The following BCL11B variants were observed in gnomAD, a reference collection of about 807,000 sequenced individuals.
BCL11B encodes B-cell lymphoma/leukemia 11B.
A neutral mutation model predicts 49.9 loss-of-function variants in BCL11B; 8 were observed. The observed-to-expected ratio is 0.16, with a 90% CI of 0.09 to 0.29. The LOEUF (loss-of-function observed/expected upper bound fraction) is 0.29, where lower values mean the gene tolerates loss of function less well. Among genes scored for constraint, BCL11B ranks in the 10% least tolerant of loss-of-function variants. The pLI is 1.00. For missense variants in BCL11B, 1,006 were observed against 1,351.0 expected (o/e 0.74, Z 4.00); for synonymous variants, 739 against 637.4 (o/e 1.16, Z -2.40).
chr14:99,200,727 C>T (rs1939066764), intron 3 of BCL11B, among the ~76,000 whole-genome samples: 1 of 152,224 alleles, frequency 6.6e-6, no homozygotes, highest in African/African-American at 2.4e-5. Context: ...CTGGCACAGC[C>T]ACTACTGGAG....
intron 3 of BCL11B, among the ~76,000 whole-genome samples, chr14:99,226,307 C>T (rs929637829): frequency 6.6e-6 from 1 of 152,184 alleles, no homozygotes; most frequent in African/African-American, 2.4e-5. Flanking sequence ...GTTTTCCAAC[C>T]TTCCCACGAC....
At chr14:99,238,809 T>C (rs1293621120) in intron 2 of BCL11B, among the ~76,000 whole-genome samples, 1 of 152,112 alleles carries the variant, frequency 6.6e-6, no homozygotes, top group Non-Finnish European at 1.5e-5. Flanking sequence ...AGGACACAGA[T>C]ACAAAAATGA....
Position 99,257,649 on chromosome 14 carries a change from G to A in BCL11B, c.249C>T (p.Gly83=), listed in dbSNP as rs79121525. Residue 83 remains glycine, a synonymous_variant, in exon 2 of 4, where the codon GGC becomes GGT. Coordinates refer to ENST00000357195, the MANE Select transcript of BCL11B (RefSeq NM_138576.4). This position sits in a 1 kb window ranked among gnomAD's most constrained non-coding sequence, Gnocchi z 6.2. ...FIEHKRKQCG[G]SLGACYDKAL... is the part of the protein sequence containing the mutation. ...CCTTGTCATAGCAGGCACCCAAGCT[G>A]CCGCCACACTGCTTCCTTTTGTGCT... is the stretch of plus-strand genomic sequence containing the variant. 3 of 1,613,208 alleles carry A rather than the reference G, an allele frequency of 1.9e-6. No homozygotes were observed. Among genetic ancestry groups the A allele is most frequent in the African/African-American group, 1.3e-5 (1 of 75,020 alleles).
intron 3 of BCL11B, among the ~76,000 whole-genome samples, chr14:99,189,393 GGAAGA>G (rs1886955842): frequency 6.6e-6 from 1 of 152,252 alleles, no homozygotes; most frequent in Non-Finnish European, 1.5e-5. Flanking sequence ...GGGCGGTTAT[GGAAGA>G]GAAAAGCTGC....
Position 99,222,338 on chromosome 14 carries a change from C to T in BCL11B, c.640+9007G>A, listed in dbSNP as rs1475525474. Among the ~76,000 whole-genome samples, 5 of 152,290 alleles carry T rather than the reference C, an allele frequency of 3.3e-5. No homozygotes were observed. In the East Asian group the frequency reaches 7.7e-4, roughly 24 times the overall value. Reference sequence around the variant, plus strand: ...ACAAGAATGTGGCTAGCAGCGTTTTCTGTGTTTCCTCTTTCTCTCACAGGT... The same window carrying T: ...ACAAGAATGTGGCTAGCAGCGTTTTTTGTGTTTCCTCTTTCTCTCACAGGT... On this transcript the variant is annotated intron_variant, in intron 3 of 3. Transcript: ENST00000357195.
At chr14:99,259,003 GC>G (rs72518932) in intron 1 of BCL11B, among the ~76,000 whole-genome samples, 4 of 110,884 alleles carry the variant, frequency 3.6e-5, no homozygotes, top group African/African-American at 1.2e-4. Flanking sequence ...AGACTCGGCA[GC>G]CAAAAGTGTC....
At chr14:99,219,690 C>T (rs1887953493) in intron 3 of BCL11B, among the ~76,000 whole-genome samples, 1 of 152,080 alleles carries the variant, frequency 6.6e-6, no homozygotes, top group South Asian at 2.1e-4. Flanking sequence ...CTCAAATCAA[C>T]ACCCTGAAGA....
intron 3 of BCL11B, among the ~76,000 whole-genome samples, chr14:99,209,874 G>A (rs529065382): frequency 6.6e-6 from 1 of 152,208 alleles, no homozygotes; most frequent in African/African-American, 2.4e-5. Flanking sequence ...GCCCTCAACA[G>A]GGCAGCCACT....
chr14:99,181,141 C>A (rs1019610786), intron 3 of BCL11B, among the ~76,000 whole-genome samples: 4 of 152,186 alleles, frequency 2.6e-5, no homozygotes, highest in African/African-American at 4.8e-5. Flanking sequence ...GGCATTCCTG[C>A]CTGGGTGAGA....
At chr14:99,230,619 G>A (rs544344234) in intron 3 of BCL11B, among the ~76,000 whole-genome samples, 5 of 152,338 alleles carry the variant, frequency 3.3e-5, no homozygotes, top group South Asian at 4.1e-4. Context: ...GAGAAGCAGG[G>A]CAGGTAGAGG....
At chr14:99,214,338 A>C (rs1887769386) in intron 3 of BCL11B, among the ~76,000 whole-genome samples, 2 of 152,198 alleles carry the variant, frequency 1.3e-5, no homozygotes, top group Admixed American at 6.5e-5. Flanking sequence ...GGATCATTTG[A>C]GGCCAGGAGT....
At chr14:99,216,581 AC>A (rs750135948) in intron 3 of BCL11B, among the ~76,000 whole-genome samples, 3 of 152,166 alleles carry the variant, frequency 2.0e-5, no homozygotes, top group Non-Finnish European at 4.4e-5. Context: ...CCCAGGAGGT[AC>A]TAAGAAGGTG....
chr14:99,245,697 G>T (rs1278524047), intron 2 of BCL11B, among the ~76,000 whole-genome samples: 1 of 152,186 alleles, frequency 6.6e-6, no homozygotes, highest in Non-Finnish European at 1.5e-5. Context: ...CGGTTTCGGG[G>T]AGGGGACCAC....
intron 3 of BCL11B, among the ~76,000 whole-genome samples, chr14:99,177,083 G>A (rs570556518): frequency 4.5e-4 from 68 of 152,098 alleles, no homozygotes; most frequent in African/African-American, 7.2e-5. Flanking sequence ...TGTGAAGACC[G>A]GCTACTACTG....
chr14:99,229,553 T>G (rs1344456522), intron 3 of BCL11B, among the ~76,000 whole-genome samples: 1 of 152,138 alleles, frequency 6.6e-6, no homozygotes, highest in Non-Finnish European at 1.5e-5. Context: ...ATGGGGATGG[T>G]AACAGCTCCT....
chr14:99,236,175 G>A (rs1888491922), intron 2 of BCL11B, among the ~76,000 whole-genome samples: 1 of 152,192 alleles, frequency 6.6e-6, no homozygotes, highest in Non-Finnish European at 1.5e-5. Context: ...AGAGGCGAAC[G>A]TACTGTGCAG....
rs1886791568 is a variant in BCL11B at position 99,184,313 on chromosome 14, T to G, written c.641-8118A>C. On this transcript the variant is annotated intron_variant, in intron 3 of 3. Transcript: ENST00000357195. This position sits in a 1 kb window ranked among gnomAD's most constrained non-coding sequence, Gnocchi z 6.1. Reference sequence around the variant, plus strand: ...AGCCCAAGTCTAATCCCCTCAGCATTCCACAGCATTGTATTTAGATCTGCT... The same window carrying G: ...AGCCCAAGTCTAATCCCCTCAGCATGCCACAGCATTGTATTTAGATCTGCT... 6.6e-6 allele frequency among the ~76,000 whole-genome samples: 1 copy of G among 152,168 alleles called. No individual in the cohort carries two copies. The highest frequency in any genetic ancestry group is 1.5e-5 in the Non-Finnish European group (1 of 68,030).
intron 3 of BCL11B, among the ~76,000 whole-genome samples, chr14:99,197,199 C>T (rs1887202008): frequency 6.6e-6 from 1 of 152,128 alleles, no homozygotes; most frequent in Non-Finnish European, 1.5e-5. Context: ...TGAATTTGGG[C>T]ACTGTCTAGG....
chr14:99,173,599 T>G lies in BCL11B; in HGVS notation c.*552A>C. 5.0e-6 allele frequency: 1 copy of G among 200,816 alleles called. No homozygotes were observed. 12.4% of individuals were successfully genotyped at this position (200,816 alleles called of 1,614,324 possible). A position where few individuals can be genotyped will look rare whatever the true frequency, so the allele number is the denominator to read the frequency against. On this transcript the variant is annotated 3_prime_UTR_variant, in exon 4 of 4. Coordinates refer to ENST00000357195, the MANE Select transcript of BCL11B (RefSeq NM_138576.4). ...AATTAAAAAAAAAACTGCATGCCAC[T>G]TTTTATTTCAGGACAAAAAAAAGGA...
Sources: gnomAD v4.1 joint callset for allele counts (sites outside exome capture counted in the v4.1 genomes callset) on GRCh38, gnomAD v4.1.1 for gene constraint, Gnocchi (gnomAD v3.1) non-coding constraint, MANE v1.5 for transcripts, NCBI Gene and HGNC (gene_info 2026-07-23, HGNC 2026-07-21) for gene names.